BACH1: variants seen among roughly 807,000 people sequenced by gnomAD.
BACH1 encodes the protein transcription regulator protein BACH1.
Under a neutral mutation model 52.9 loss-of-function variants are expected in BACH1, and 35 were observed. The ratio of observed to expected loss-of-function variants is 0.66; its 90% CI spans 0.51 to 0.88. BACH1 has a LOEUF of 0.88. Among genes scored for constraint, BACH1 ranks in the 40% least tolerant of loss-of-function variants. The pLI is 0.00. For missense variants in BACH1, 808 were observed against 872.6 expected (o/e 0.93, Z 0.93); for synonymous variants, 321 against 319.6 (o/e 1.00, Z -0.05).
intron 2 of BACH1, chr21:29,359,287 T>C (rs2089257188): frequency 6.6e-6 from 1 of 151,762 alleles, no homozygotes; most frequent in Non-Finnish European, 1.5e-5. Context: ...ACACAATGAT[T>C]GTCTCTTTAT....
rs773339742 is a variant in BACH1, at chr21:29,342,769, G to A, written c.2147G>A (p.Arg716His). The change falls in exon 5 of 5, where the codon CGT becomes CAT. Residue 716 changes from arginine (R) to histidine (H), a missense_variant. Transcript: ENST00000286800. Reference sequence around the variant, plus strand: ...CAAGCTGGGCCTGCGGAACAGTGTCGTCAGAGTGGTGGGATCTCAGATTTC... The same window carrying A: ...CAAGCTGGGCCTGCGGAACAGTGTCATCAGAGTGGTGGGATCTCAGATTTC... Reference protein sequence around the residue: ...SEQAGPAEQCRQSGGISDFCQ... With the variant: ...SEQAGPAEQCHQSGGISDFCQ... 25 of 1,613,440 alleles carry A rather than the reference G, an allele frequency of 1.5e-5. No individual in the cohort carries two copies. Among genetic ancestry groups the A allele is most frequent in the East Asian group, 2.2e-5 (1 of 44,856 alleles).
chr21:29,329,526 TCTC>T lies in BACH1; in HGVS notation c.1610_1612del (p.Ser537_Arg538delinsTer). On this transcript the variant is annotated stop_gained and inframe_deletion, in exon 4 of 5. Coordinates refer to ENST00000286800, the MANE Select transcript of BACH1 (RefSeq NM_001186.4). LOFTEE classifies it high-confidence loss of function. ...CAATGCACAACGGATAATTTCACTG[TCTC>T]GAAATGATTTTCAGTCCTTGTTGAA... The T allele has an allele frequency of 6.2e-7, 1 of 1,600,002 alleles. No homozygotes were observed. The highest frequency in any genetic ancestry group is 8.5e-7 in the Non-Finnish European group (1 of 1,174,628).
At chr21:29,311,702 C>T (rs2088725365) in intron 1 of BACH1, among the ~76,000 whole-genome samples, 1 of 152,182 alleles carries the variant, frequency 6.6e-6, no homozygotes. Flanking sequence ...ACCTCTGCAA[C>T]TCCAGCTCTA....
At chr21:29,311,566 C>T (rs1268580533) in intron 1 of BACH1, among the ~76,000 whole-genome samples, 1 of 152,008 alleles carries the variant, frequency 6.6e-6, no homozygotes, top group East Asian at 1.9e-4. Context: ...ATGTTTACAC[C>T]TCAGTTTATT....
intron 3 of BACH1, among the ~76,000 whole-genome samples, chr21:29,328,533 G>T (rs2088942371): frequency 6.7e-6 from 1 of 148,354 alleles, no homozygotes. Flanking sequence ...CCCCTTTCTT[G>T]GGCTTTATTT....
chr21:29,351,233 C>G (rs2089200395), intron 2 of BACH1, among the ~76,000 whole-genome samples: 1 of 152,186 alleles, frequency 6.6e-6, no homozygotes, highest in African/African-American at 2.4e-5. Context: ...CAGATACCAT[C>G]TTGATATGCA....
chr21:29,336,159 C>G (rs139857381), intron 4 of BACH1, among the ~76,000 whole-genome samples: 3 of 152,196 alleles, frequency 2.0e-5, no homozygotes, highest in African/African-American at 7.2e-5. Context: ...AACAAGTACT[C>G]TCATTGTTTT....
At position 29,326,216 on chromosome 21, in the gene BACH1, T is replaced by C; in HGVS notation, c.392T>C (p.Leu131Ser). ...SCFQFLKFKF[L>S]DSTADQQECP... ...TTTCAGTTTCTGAAATTTAAGTTTT[T>C]GGACTCCACTGCAGACCAGCAAGAA... Residue 131 changes from leucine to serine, a missense_variant, in exon 3 of 5, where the codon TTG becomes TCG. By Grantham distance (145) the Leu-to-Ser change is moderately radical. Coordinates refer to ENST00000286800, the MANE Select transcript of BACH1 (RefSeq NM_001186.4). 1 of 1,614,246 alleles carries C rather than the reference T, an allele frequency of 6.2e-7. No homozygotes were observed. Among genetic ancestry groups the C allele is most frequent in the African/African-American group, 1.3e-5 (1 of 75,060 alleles).
At chr21:29,321,569 G>T in intron 2 of BACH1, 55 bp downstream of exon 2, 1 of 1,485,670 alleles carries the variant, frequency 6.7e-7, no homozygotes, top group Admixed American at 2.0e-5. Flanking sequence ...AGTTTTTTAT[G>T]GTTCATAATG....
intron 2 of BACH1, among the ~76,000 whole-genome samples, chr21:29,360,772 G>C (rs974802690): frequency 6.6e-6 from 1 of 151,130 alleles, no homozygotes; most frequent in African/African-American, 2.4e-5. Context: ...TTGAACCCAC[G>C]AGGTGGAGGT....
downstream of BACH1, among the ~76,000 whole-genome samples, chr21:29,350,892 C>T (rs981000844): frequency 1.3e-5 from 2 of 152,134 alleles, no homozygotes; most frequent in East Asian, 1.9e-4. Context: ...AGCAGACTCC[C>T]ATGAAAGCCA....
At position 29,343,024 on chromosome 21, in the gene BACH1, C is replaced by G. The variant is rs979291257; in HGVS notation, c.*191C>G. The stretch of plus-strand genomic sequence containing the variant: ...ACAAGAGACAAAGAAATGATTTTGC[C>G]TCCTGGATATCAGAAAAATCCATGT... On this transcript the variant is annotated 3_prime_UTR_variant, in exon 5 of 5. Transcript: ENST00000286800. 160 of 542,762 alleles carry G rather than the reference C, an allele frequency of 2.9e-4. 1 individual carries two copies. The highest frequency in any genetic ancestry group is 2.6e-3 in the African/African-American group (141 of 53,372). 33.6% of individuals were successfully genotyped at this position (542,762 alleles called of 1,614,324 possible). A position where few individuals can be genotyped will look rare whatever the true frequency, so the allele number is the denominator to read the frequency against.
chr21:29,302,958 G>A (rs1370951504), intron 1 of BACH1, among the ~76,000 whole-genome samples: 1 of 152,206 alleles, frequency 6.6e-6, no homozygotes, highest in Admixed American at 6.5e-5. Context: ...ATTGAAACTG[G>A]CTTTTACGAA....
chr21:29,307,758 A>G (rs1400790014), intron 1 of BACH1, among the ~76,000 whole-genome samples: 1 of 152,172 alleles, frequency 6.6e-6, no homozygotes, highest in Non-Finnish European at 1.5e-5. Flanking sequence ...ACACCTGTGT[A>G]TGTTGTTACA....
chr21:29,358,812 A>AAGACAGAAAGAAAGAAAGAAAG (rs1555888596), intron 2 of BACH1, among the ~76,000 whole-genome samples: 2 of 146,570 alleles, frequency 1.4e-5, no homozygotes, highest in Admixed American at 6.9e-5. Flanking sequence ...GAAAGAAAGA[A>AAGACAGAAAGAAAGAAAGAAAG]AGAAGAAAGA....
chr21:29,325,357 C>CCT (rs765916732), intron 2 of BACH1, among the ~76,000 whole-genome samples: 7 of 152,112 alleles, frequency 4.6e-5, no homozygotes, highest in Non-Finnish European at 1.0e-4. Context: ...GTTCCATTTG[C>CCT]CTCTCACTTT....
intron 4 of BACH1, among the ~76,000 whole-genome samples, 189 bp downstream of exon 4, chr21:29,329,882 A>G (rs570340083): frequency 1.3e-5 from 2 of 151,936 alleles, no homozygotes; most frequent in Admixed American, 6.6e-5. Context: ...AAGGTTTTCA[A>G]ATTAAGAATG....
At chr21:29,303,071 C>G (rs967672886) in intron 1 of BACH1, among the ~76,000 whole-genome samples, 2 of 152,156 alleles carry the variant, frequency 1.3e-5, no homozygotes, top group African/African-American at 4.8e-5. Context: ...CTTGTTAATA[C>G]CAGAACAGAA....
At chr21:29,306,785 C>T (rs1049100641) in intron 1 of BACH1, among the ~76,000 whole-genome samples, 14 of 152,062 alleles carry the variant, frequency 9.2e-5, no homozygotes, top group African/African-American at 2.9e-4. Context: ...ACTTTTTTTC[C>T]TCTTATATGC....
Sources: gnomAD v4.1 joint callset for allele counts (sites outside exome capture counted in the v4.1 genomes callset) on GRCh38, gnomAD v4.1.1 for gene constraint, MANE v1.5 for transcripts, NCBI Gene and HGNC (gene_info 2026-07-23, HGNC 2026-07-21) for gene names.